The following SMC1A variants were observed in gnomAD, a reference collection of about 807,000 sequenced individuals.
The protein encoded by SMC1A is structural maintenance of chromosomes 1A.
SMC1A carries 4 observed loss-of-function variants against 94.5 expected under a neutral mutation model. The ratio of observed to expected loss-of-function variants is 0.04; its 90% CI spans 0.02 to 0.10. The LOEUF is 0.10. Among genes scored for constraint, SMC1A ranks in the 10% least tolerant of loss-of-function variants. The probability of loss-of-function intolerance (pLI) is 1.00; values close to 1 mark genes in which losing one functional copy is unlikely to be tolerated. For synonymous variants in SMC1A, 345 were observed against 347.7 expected (o/e 0.99, Z 0.09); for missense variants, 304 against 989.0 (o/e 0.31, Z 9.29).
intron 15 of SMC1A, among the ~76,000 whole-genome samples, chrX:53,402,705 A>G (rs186230787): frequency 1.0e-5 from 1 of 98,924 alleles, no homozygotes; most frequent in Non-Finnish European, 2.0e-5. Flanking sequence ...TCTACTAATA[A>G]GAAAAATTAG....
intron 17 of SMC1A, 27 bp downstream of exon 17, chrX:53,396,445 T>A (rs994526840): frequency 1.3e-5 from 16 of 1,208,705 alleles, no homozygotes; most frequent in Non-Finnish European, 1.6e-5. Context: ...ATCTACGTCC[T>A]CCCACCCCAG....
chrX:53,416,171 CG>C (rs1347588041), intron 1 of SMC1A, among the ~76,000 whole-genome samples: 1 of 105,618 alleles, frequency 9.5e-6, no homozygotes, highest in Non-Finnish European at 1.9e-5. Flanking sequence ...GGCGTGGTGG[CG>C]GGCGCCTGTA....
intron 9 of SMC1A, among the ~76,000 whole-genome samples, chrX:53,407,300 T>TTGAAC (rs1337278657): frequency 9.0e-6 from 1 of 111,408 alleles, no homozygotes; most frequent in Non-Finnish European, 1.9e-5. Flanking sequence ...GGGCTGAAGG[T>TTGAAC]TGAACTGATC....
chrX:53,383,330 G>A, intron 19 of SMC1A, 77 bp from the exon 20 acceptor site: 2 of 1,046,123 alleles, frequency 1.9e-6, no homozygotes, highest in Non-Finnish European at 2.6e-6. Flanking sequence ...ATGACTGACT[G>A]AGTGTGGCCT....
chrX:53,379,830 T>G lies in SMC1A; in HGVS notation c.*273A>C, dbSNP rs1004427532. The G allele has an allele frequency of 1.2e-5, 5 of 405,973 alleles. No homozygotes were observed. Among genetic ancestry groups the G allele is most frequent in the Non-Finnish European group, 1.7e-5 (4 of 232,020 alleles). 33.5% of individuals were successfully genotyped at this position (405,973 alleles called of 1,213,427 possible). A position where few individuals can be genotyped will look rare whatever the true frequency, so the allele number is the denominator to read the frequency against. On this transcript the variant is annotated 3_prime_UTR_variant, in exon 25 of 25. Transcript: ENST00000322213. ...CCAAGGGGCCCACGATTATGGGTGA[T>G]GAGGGGGAGGAAGGGGGTGTGTGTG...
rs1222730318 is a variant in SMC1A, at chrX:53,377,510, T to C, written c.*2593A>G. The C allele has an allele frequency of 8.9e-6, 1 of 112,221 alleles. No homozygotes were observed. The highest frequency in any genetic ancestry group is 3.2e-5 in the African/African-American group (1 of 30,797). 9.2% of individuals were successfully genotyped at this position (112,221 alleles called of 1,213,427 possible). Reference sequence around the variant, plus strand: ...ACTATTTTATTTTTTTACCTGTGTATATATTGCTTTACTTTTTAAAAAGGA... The same window carrying C: ...ACTATTTTATTTTTTTACCTGTGTACATATTGCTTTACTTTTTAAAAAGGA... On this transcript the variant is annotated 3_prime_UTR_variant, in exon 25 of 25. Transcript: ENST00000322213.
chrX:53,379,966 C>A lies in SMC1A; in HGVS notation c.*137G>T. 1 of 517,797 alleles carries A rather than the reference C, an allele frequency of 1.9e-6. No individual in the cohort carries two copies. Among genetic ancestry groups the A allele is most frequent in the Non-Finnish European group, 3.5e-6 (1 of 287,034 alleles). 42.7% of individuals were successfully genotyped at this position (517,797 alleles called of 1,213,427 possible). On this transcript the variant is annotated 3_prime_UTR_variant, in exon 25 of 25. Transcript: ENST00000322213. ...AACATCACCTCTGTTCCTCTTCATG[C>A]TTGATTAGCAGTGCCTAAATCCCAT...
Position 53,382,347 on chromosome X carries a change from A to G in SMC1A, c.3322T>C (p.Leu1108=). 8.3e-7 allele frequency: 1 copy of G among 1,210,362 alleles called. No individual in the cohort carries two copies. Among genetic ancestry groups the G allele is most frequent in the Non-Finnish European group, 1.1e-6 (1 of 894,742 alleles). Residue 1108 remains leucine, a synonymous_variant, in exon 22 of 25, where the codon TTG becomes CTG. Transcript: ENST00000322213. ...ACACAGTTGTAGTTGATGCCATCCA[A>G]GTAGGGCTCTTCAGGGTTCTCAGGG... The part of the protein sequence containing the change: ...LGPENPEEPY[L]DGINYNCVAP...
At chrX:53,394,325 T>C (rs1367520858) in intron 19 of SMC1A, among the ~76,000 whole-genome samples, 1 of 109,829 alleles carries the variant, frequency 9.1e-6, no homozygotes, top group African/African-American at 3.3e-5. Context: ...GGAGGAAGGC[T>C]AGGGCTTGAG....
Position 53,383,140 on chromosome X carries a change from T to C in SMC1A, c.3087A>G (p.Glu1029=). ...RIAAPNMKAM[E]KLESVRDKFQ... ...ACTTGTCTCGGACACTTTCCAGCTTTTCCATGGCCTTCATGTTGGGGGCGG... is the reference window on the plus strand; with the variant it reads ...ACTTGTCTCGGACACTTTCCAGCTTCTCCATGGCCTTCATGTTGGGGGCGG... Residue 1029 remains glutamate (E), a synonymous_variant, in exon 20 of 25, where the codon GAA becomes GAG. Coordinates refer to ENST00000322213, the MANE Select transcript of SMC1A (RefSeq NM_006306.4). 8.3e-7 allele frequency: 1 copy of C among 1,208,197 alleles called. No homozygotes were observed. Among genetic ancestry groups the C allele is most frequent in the Non-Finnish European group, 1.1e-6 (1 of 893,589 alleles).
At position 53,382,366 on chromosome X, in the gene SMC1A, C is replaced by G; in HGVS notation, c.3303G>C (p.Glu1101Asp). Residue 1101 changes from glutamate to aspartate, a missense_variant, in exon 22 of 25, where the codon GAG (glutamate) becomes GAC (aspartate). Physicochemically the swap from Glu to Asp is conservative, Grantham distance 45. Transcript: ENST00000322213. The part of the protein sequence containing the change: ...NSSAQAFLGP[E>D]NPEEPYLDGI... ...CATCCAAGTAGGGCTCTTCAGGGTT[C>G]TCAGGGCCCAGGAATGCCTAGGGGA... 1 of 1,208,506 alleles carries G rather than the reference C, an allele frequency of 8.3e-7. No homozygotes were observed. Among genetic ancestry groups the G allele is most frequent in the Non-Finnish European group, 1.1e-6 (1 of 893,831 alleles).
intron 1 of SMC1A, among the ~76,000 whole-genome samples, 171 bp downstream of exon 1, chrX:53,422,321 T>TA (rs1255809960): frequency 3.6e-5 from 4 of 111,664 alleles, no homozygotes; most frequent in Non-Finnish European, 7.6e-5. Flanking sequence ...GGGTTCGAGT[T>TA]AGAGCACCCG....
In SMC1A at chrX:53,415,049, C is replaced by T; in HGVS notation, c.230G>A (p.Arg77Gln). Residue 77 changes from arginine to glutamine, a missense_variant, in exon 2 of 25, where the codon CGG (arginine) becomes CAG (glutamine). Arg to Gln is a conservative substitution (Grantham distance 43). This residue lies in a region of SMC1A where 120 missense variants were observed against 314.9 expected (regional missense o/e 0.38). Transcript: ENST00000322213. ...AGAGTAGACCATGCTGACAAAGGCC[C>T]GGTTGGCAGCTGGCTTGCCCACAGG... ...GAPVGKPAANRAFVSMVYSEE... is the reference protein window; with the variant it reads ...GAPVGKPAANQAFVSMVYSEE... 1 of 1,211,129 alleles carries T rather than the reference C, an allele frequency of 8.3e-7. No homozygotes were observed. The highest frequency in any genetic ancestry group is 1.1e-6 in the Non-Finnish European group (1 of 895,309).
At chrX:53,413,206 A>G in intron 4 of SMC1A, 26 bp downstream of exon 4, 5 of 1,211,846 alleles carry the variant, frequency 4.1e-6, no homozygotes, top group Non-Finnish European at 5.6e-6. Context: ...GGTCCCTCAG[A>G]GCCAAGAGGT....
At chrX:53,388,747 G>A (rs1008080055) in intron 19 of SMC1A, among the ~76,000 whole-genome samples, 2 of 109,175 alleles carry the variant, frequency 1.8e-5, no homozygotes, top group South Asian at 3.9e-4. Flanking sequence ...CCTGTAATCC[G>A]AGCACTCTGG....
At chrX:53,408,921 G>A (rs1402302757) in intron 9 of SMC1A, 141 bp downstream of exon 9, 1 of 537,022 alleles carries the variant, frequency 1.9e-6, no homozygotes, top group African/African-American at 2.3e-5. Context: ...CTTAGAAGCG[G>A]TGCTTTTTTA....
chrX:53,388,293 T>C (rs903791269), intron 19 of SMC1A, among the ~76,000 whole-genome samples: 5 of 111,366 alleles, frequency 4.5e-5, no homozygotes, highest in African/African-American at 1.6e-4. Flanking sequence ...TGTGGCTACT[T>C]AGCACGTGAT....
rs1472222122 is a variant in SMC1A, at chrX:53,383,695, T to C, written c.2974-442A>G. ...CTTAGATCACTACATTTGAGCAAAT[T>C]CCATTAGAGTTTAGTTTTAGTTCTT... is the stretch of plus-strand genomic sequence containing the variant. On this transcript the variant is annotated intron_variant, in intron 19 of 24. Transcript: ENST00000322213. Among the ~76,000 whole-genome samples, 3 of 112,507 alleles carry C rather than the reference T, an allele frequency of 2.7e-5. No individual in the cohort carries two copies. The Admixed American group carries it at 2.8e-4, about 11-fold the overall frequency.
intron 1 of SMC1A, chrX:53,421,757 T>A: frequency 1.5e-6 from 1 of 649,378 alleles, no homozygotes; most frequent in Non-Finnish European, 2.4e-6. Flanking sequence ...GTTGGTTTAT[T>A]CTATTCTCCG....
Sources: allele counts gnomAD v4.1 joint callset (sites outside exome capture counted in the v4.1 genomes callset), GRCh38; gene constraint gnomAD v4.1.1; regional missense constraint gnomAD v4.1.1; transcripts MANE v1.5; gene names NCBI Gene and HGNC (gene_info 2026-07-23, HGNC 2026-07-21).